Variants in MAML2 observed in about 807,000 individuals in gnomAD.
MAML2 encodes mastermind-like protein 2.
MAML2 carries 22 observed loss-of-function variants against 96.1 expected under a neutral mutation model. The ratio of observed to expected loss-of-function variants is 0.23; its 90% CI spans 0.16 to 0.33. The LOEUF (loss-of-function observed/expected upper bound fraction) is 0.33, where lower values mean the gene tolerates loss of function less well. Ranked by LOEUF, MAML2 falls within the 10% of genes least tolerant of loss-of-function variation. MAML2 has a pLI of 1.00. For synonymous variants in MAML2, 561 were observed against 521.3 expected, an observed-to-expected ratio of 1.08 and a Z score of -1.04; for missense variants, 1,367 against 1,392.4, an observed-to-expected ratio of 0.98 and a Z score of 0.29.
chr11:96,269,718 C>G (rs1046382347), intron 1 of MAML2, among the ~76,000 whole-genome samples: 7 of 143,732 alleles, frequency 4.9e-5, no homozygotes, highest in African/African-American at 1.6e-4. Context: ...ACCATGTTGG[C>G]CAGGCTGACC....
chr11:96,173,750 C>T (rs368717824), intron 1 of MAML2, among the ~76,000 whole-genome samples: 2 of 152,192 alleles, frequency 1.3e-5, no homozygotes, highest in Non-Finnish European at 1.5e-5. Flanking sequence ...TCTTTGTCTT[C>T]GTTTCTTCTC....
Position 96,091,987 on chromosome 11 carries a change from A to G in MAML2, c.2044T>C (p.Ser682Pro). Residue 682 changes from serine (S) to proline (P), a missense_variant, in exon 2 of 5, where the codon TCA (serine) becomes CCA (proline). Transcript: ENST00000524717. Reference sequence around the variant, plus strand: ...AGCTTTTGCTGAAGTGGCAAAGGTGACCTTAGCAAAGGCTGGCTTGGTAGA... The same window carrying G: ...AGCTTTTGCTGAAGTGGCAAAGGTGGCCTTAGCAAAGGCTGGCTTGGTAGA... ...QSLPSQPLLR[S>P]PLPLQQKLLL... The G allele has an allele frequency of 6.3e-7, 1 of 1,597,582 alleles. No homozygotes were observed. Among genetic ancestry groups the G allele is most frequent in the Non-Finnish European group, 8.5e-7 (1 of 1,171,720 alleles).
At chr11:96,316,602 A>G (rs1863635920) in intron 1 of MAML2, among the ~76,000 whole-genome samples, 1 of 152,222 alleles carries the variant, frequency 6.6e-6, no homozygotes, top group African/African-American at 2.4e-5. Context: ...ACTTCTGTGT[A>G]GTAAGCAAAG....
At chr11:96,340,806 CTT>C (rs529526904) in intron 1 of MAML2, among the ~76,000 whole-genome samples, 304 of 152,272 alleles carry the variant, frequency 2.0e-3, no homozygotes, top group Non-Finnish European at 3.5e-3. Context: ...CCTAGTCTCT[CTT>C]TGGGATATTT....
At chr11:96,184,286 T>C (rs1861537640) in intron 1 of MAML2, among the ~76,000 whole-genome samples, 1 of 151,760 alleles carries the variant, frequency 6.6e-6, no homozygotes, top group African/African-American at 2.4e-5. Context: ...ACTAAAAACG[T>C]AAAAATTAGT....
intron 1 of MAML2, among the ~76,000 whole-genome samples, chr11:96,267,169 A>T (rs903778107): frequency 2.6e-5 from 4 of 152,216 alleles, no homozygotes; most frequent in Admixed American, 1.3e-4. Context: ...TGAAGAAAAC[A>T]ATAGTGGAGT....
intron 1 of MAML2, among the ~76,000 whole-genome samples, chr11:96,217,977 C>A (rs949981355): frequency 3.6e-4 from 55 of 152,146 alleles, no homozygotes; most frequent in African/African-American, 1.3e-3. Context: ...ATTTAAAATC[C>A]CCCCTTCAAG....
intron 3 of MAML2, among the ~76,000 whole-genome samples, chr11:95,990,680 T>C (rs1409625018): frequency 6.6e-6 from 1 of 152,182 alleles, no homozygotes; most frequent in Non-Finnish European, 1.5e-5. Context: ...TGAATAATTA[T>C]AGCACTTGTG....
chr11:96,070,691 G>A (rs1287644286), intron 2 of MAML2, among the ~76,000 whole-genome samples: 1 of 152,274 alleles, frequency 6.6e-6, no homozygotes, highest in Non-Finnish European at 1.5e-5. Flanking sequence ...TGGCAAGTGT[G>A]GGATCCAGGT....
intron 1 of MAML2, among the ~76,000 whole-genome samples, chr11:96,136,080 T>A (rs1860626709): frequency 6.6e-6 from 1 of 150,510 alleles, no homozygotes; most frequent in Non-Finnish European, 1.5e-5. Context: ...TGTAAACACA[T>A]CTAGGAATCA....
intron 1 of MAML2, among the ~76,000 whole-genome samples, chr11:96,241,366 T>C (rs575090091): frequency 1.8e-4 from 28 of 152,294 alleles, no homozygotes; most frequent in Middle Eastern, 3.4e-3. Flanking sequence ...TTTGAAACAA[T>C]GTGGGAGGCT....
intron 1 of MAML2, among the ~76,000 whole-genome samples, chr11:96,097,389 C>T (rs1859849397): frequency 6.6e-6 from 1 of 152,040 alleles, no homozygotes; most frequent in African/African-American, 2.4e-5. Flanking sequence ...GGGAGCTCCA[C>T]ACTGTGGACC....
rs377267266 is a variant in MAML2 at position 96,341,875 on chromosome 11, C to T, written c.21G>A (p.Pro7=). Reference sequence around the variant, plus strand: ...CCCCTAGCCCTCCTGCGGGGGCCTGCGGGGGCGCTGTGTCCCCCATCTTAC... The same window carrying T: ...CCCCTAGCCCTCCTGCGGGGGCCTGTGGGGGCGCTGTGTCCCCCATCTTAC... MGDTAP[P]QAPAGGLGGA... Residue 7 remains proline (P), a synonymous_variant, in exon 1 of 5, where the codon CCG becomes CCA. Transcript: ENST00000524717. 6.5e-7 allele frequency: 1 copy of T among 1,535,586 alleles called. No individual in the cohort carries two copies. The highest frequency in any genetic ancestry group is 8.7e-7 in the Non-Finnish European group (1 of 1,144,456).
intron 2 of MAML2, among the ~76,000 whole-genome samples, chr11:96,019,319 A>G (rs1565191100): frequency 6.6e-6 from 1 of 152,172 alleles, no homozygotes; most frequent in Non-Finnish European, 1.5e-5. Context: ...TGAAGTTATA[A>G]TAGTGCCAGT....
At chr11:96,244,521 T>C (rs1862486128) in intron 1 of MAML2, among the ~76,000 whole-genome samples, 1 of 152,258 alleles carries the variant, frequency 6.6e-6, no homozygotes, top group South Asian at 2.1e-4. Context: ...AAATTAAAAA[T>C]GGTTTATATG....
intron 1 of MAML2, among the ~76,000 whole-genome samples, chr11:96,320,363 T>C (rs1863684040): frequency 6.6e-6 from 1 of 152,210 alleles, no homozygotes; most frequent in South Asian, 2.1e-4. Flanking sequence ...CCAAAGCAAC[T>C]CTGCTCAGCT....
chr11:96,081,121 G>T (rs1328749789), intron 2 of MAML2, among the ~76,000 whole-genome samples: 2 of 152,144 alleles, frequency 1.3e-5, no homozygotes, highest in Non-Finnish European at 2.9e-5. Context: ...AAGGCAGGGG[G>T]TGAGGGAGTG....
chr11:96,081,137 G>A (rs1263636661), intron 2 of MAML2, among the ~76,000 whole-genome samples: 2 of 152,092 alleles, frequency 1.3e-5, no homozygotes, highest in African/African-American at 4.8e-5. Flanking sequence ...GAGTGGGGAG[G>A]AGGATAAGGG....
At chr11:96,233,958 C>T (rs2135956689) in intron 1 of MAML2, among the ~76,000 whole-genome samples, 1 of 152,260 alleles carries the variant, frequency 6.6e-6, no homozygotes. Flanking sequence ...AAATCCAGCC[C>T]TCTCTCCATT....
Sources: gnomAD v4.1 joint callset for allele counts (sites outside exome capture counted in the v4.1 genomes callset) on GRCh38, gnomAD v4.1.1 for gene constraint, MANE v1.5 for transcripts, NCBI Gene and HGNC (gene_info 2026-07-23, HGNC 2026-07-21) for gene names.